Variants in TTPA observed in about 807,000 individuals in gnomAD.
TTPA encodes the protein alpha tocopherol transfer protein.
In TTPA, 23 loss-of-function variants were observed where a neutral mutation model predicts 25.9. That is an observed-to-expected ratio of 0.89 (90% CI 0.64 to 1.26). The LOEUF is 1.26. Ranked by LOEUF, TTPA falls within the 50% of genes most tolerant of loss-of-function variation. The probability of loss-of-function intolerance (pLI) is 0.00; values close to 1 mark genes in which losing one functional copy is unlikely to be tolerated. For synonymous variants in TTPA, 148 were observed against 137.3 expected (o/e 1.08, Z -0.54); for missense variants, 337 against 353.1 (o/e 0.95, Z 0.37).
intron 1 of TTPA, 136 bp from the exon 2 acceptor site, chr8:63,073,224 G>C: frequency 1.4e-6 from 1 of 737,306 alleles, no homozygotes; most frequent in Admixed American, 2.5e-5. Flanking sequence ...TATCTTTTCA[G>C]CTGTGAAAAC....
chr8:63,078,257 T>C (rs1168854216), intron 1 of TTPA, among the ~76,000 whole-genome samples: 1 of 152,174 alleles, frequency 6.6e-6, no homozygotes, highest in Non-Finnish European at 1.5e-5. Context: ...CTGAAAATTC[T>C]AAAAACCAGA....
chr8:63,077,517 T>C (rs1477494784), intron 1 of TTPA, among the ~76,000 whole-genome samples: 1 of 152,244 alleles, frequency 6.6e-6, no homozygotes, highest in Non-Finnish European at 1.5e-5. Context: ...CTCCTGTGCA[T>C]GGCTTGGCGG....
intron 1 of TTPA, among the ~76,000 whole-genome samples, chr8:63,081,080 C>T (rs1007933083): frequency 6.6e-6 from 1 of 151,518 alleles, no homozygotes; most frequent in Non-Finnish European, 1.5e-5. Flanking sequence ...GAGCTGGTAC[C>T]ATTCCTTCTG....
intron 2 of TTPA, among the ~76,000 whole-genome samples, chr8:63,069,701 C>G (rs571353283): frequency 6.6e-6 from 1 of 150,548 alleles, no homozygotes; most frequent in East Asian, 2.0e-4. Context: ...TGCCACTGCA[C>G]TCTAGCCCAG....
At chr8:63,073,550 G>A (rs1380820520) in intron 1 of TTPA, among the ~76,000 whole-genome samples, 2 of 152,136 alleles carry the variant, frequency 1.3e-5, no homozygotes, top group Non-Finnish European at 2.9e-5. Context: ...TGAGATTACT[G>A]AATGATAGCA....
At chr8:63,069,170 AC>A (rs1377001334) in intron 2 of TTPA, among the ~76,000 whole-genome samples, 1 of 152,028 alleles carries the variant, frequency 6.6e-6, no homozygotes, top group Non-Finnish European at 1.5e-5. Context: ...ACAAAACAAA[AC>A]AAAACAAAAC....
intron 2 of TTPA, among the ~76,000 whole-genome samples, chr8:63,071,511 C>T (rs1484185643): frequency 6.6e-6 from 1 of 152,120 alleles, no homozygotes; most frequent in Non-Finnish European, 1.5e-5. Flanking sequence ...GTGAGTCGTT[C>T]TCCTGTGCCG....
chr8:63,071,957 G>C (rs962461311), intron 2 of TTPA, among the ~76,000 whole-genome samples: 1 of 152,102 alleles, frequency 6.6e-6, no homozygotes, highest in Non-Finnish European at 1.5e-5. Flanking sequence ...AGAAACACTA[G>C]CTACACCTAA....
intron 2 of TTPA, among the ~76,000 whole-genome samples, chr8:63,071,978 G>A (rs945195097): frequency 6.6e-6 from 1 of 152,164 alleles, no homozygotes; most frequent in African/African-American, 2.4e-5. Flanking sequence ...TAGAAAAAAA[G>A]GGGATGCAAT....
Position 63,065,873 on chromosome 8 carries a change from A to C in TTPA, c.552+31T>G, listed in dbSNP as rs537986447. 45 of 1,606,054 alleles carry C rather than the reference A, an allele frequency of 2.8e-5. No homozygotes were observed. In the South Asian group the frequency reaches 4.0e-4, roughly 14 times the overall value. ...AAATTTAAAACTATAATTTGGAAGT[A>C]TTATGCCTGACAGTTAAAATATACA... On this transcript the variant is annotated intron_variant, in intron 3 of 4. Coordinates refer to ENST00000260116, the MANE Select transcript of TTPA (RefSeq NM_000370.3).
At chr8:63,074,357 C>A (rs970452083) in intron 1 of TTPA, among the ~76,000 whole-genome samples, 1 of 152,178 alleles carries the variant, frequency 6.6e-6, no homozygotes, top group Non-Finnish European at 1.5e-5. Context: ...TCTGCTCCCC[C>A]TCACCCCCAT....
At chr8:63,062,171 C>T (rs2129736346) in intron 4 of TTPA, among the ~76,000 whole-genome samples, 1 of 150,444 alleles carries the variant, frequency 6.6e-6, no homozygotes, top group South Asian at 2.1e-4. Context: ...CAAAGTGAGG[C>T]CCTGTCTAAA....
At chr8:63,063,501 T>C (rs942184962) in intron 4 of TTPA, among the ~76,000 whole-genome samples, 3 of 112,056 alleles carry the variant, frequency 2.7e-5, no homozygotes, top group Admixed American at 1.7e-4. Context: ...TTTATTTTTA[T>C]TTGCATTAAT....
intron 3 of TTPA, 45 bp downstream of exon 3, chr8:63,065,859 T>C: frequency 1.9e-6 from 3 of 1,589,402 alleles, no homozygotes; most frequent in Non-Finnish European, 2.6e-6. Flanking sequence ...AATTTAAAAC[T>C]ATAATTTGGA....
intron 4 of TTPA, 109 bp downstream of exon 4, chr8:63,064,097 A>T: frequency 1.4e-6 from 1 of 730,694 alleles, no homozygotes; most frequent in Non-Finnish European, 2.3e-6. Context: ...ATATTGGGCT[A>T]ATGATATAGA....
At chr8:63,067,966 T>A (rs1805423164) in intron 2 of TTPA, among the ~76,000 whole-genome samples, 1 of 152,174 alleles carries the variant, frequency 6.6e-6, no homozygotes, top group African/African-American at 2.4e-5. Context: ...TATGGCTGTG[T>A]AGTACTCCAT....
chr8:63,077,933 G>A (rs1805590187), intron 1 of TTPA, among the ~76,000 whole-genome samples: 1 of 152,148 alleles, frequency 6.6e-6, no homozygotes, highest in Non-Finnish European at 1.5e-5. Flanking sequence ...CCTCATATAG[G>A]CAGGTGACAC....
At chr8:63,074,065 A>G (rs1422029052) in intron 1 of TTPA, among the ~76,000 whole-genome samples, 1 of 151,132 alleles carries the variant, frequency 6.6e-6, no homozygotes, top group African/African-American at 2.4e-5. Flanking sequence ...AAGTTACAAT[A>G]CATTTGTTTT....
In TTPA at chr8:63,085,875, G is replaced by A. The variant is rs199805621; in HGVS notation, c.147C>T (p.Asp49=). 2.9e-4 allele frequency: 439 copies of A among 1,533,806 alleles called. No individual in the cohort carries two copies. In the African/African-American group the frequency reaches 5.3e-3, roughly 19 times the overall value. The change falls in exon 1 of 5, where the codon GAC becomes GAT. Residue 49 remains aspartate (D), a synonymous_variant. Transcript: ENST00000260116. ...CGCGCAGGAACCGCAGCAGGAAGGA[G>A]TCGGTGAGCGGCAGCGGCGCGAGCG... ...GVPLAPLPLT[D]SFLLRFLRAR... is the part of the protein sequence containing the mutation.
Sources: allele counts gnomAD v4.1 joint callset (sites outside exome capture counted in the v4.1 genomes callset), GRCh38; gene constraint gnomAD v4.1.1; transcripts MANE v1.5; gene names NCBI Gene and HGNC (gene_info 2026-07-23, HGNC 2026-07-21).